The following DCAF11 variants were observed in gnomAD, a reference collection of about 807,000 sequenced individuals.
The protein encoded by DCAF11 is DDB1 and CUL4 associated factor 11.
A neutral mutation model predicts 76.1 loss-of-function variants in DCAF11; 44 were observed. The observed-to-expected ratio is 0.58, with a 90% CI of 0.45 to 0.74. DCAF11 has a LOEUF of 0.74. Ranked by LOEUF, DCAF11 falls within the 30% of genes least tolerant of loss-of-function variation. The pLI is 0.00. For synonymous variants in DCAF11, 258 were observed against 255.0 expected, an observed-to-expected ratio of 1.01 and a Z score of -0.11; for missense variants, 604 against 709.4, an observed-to-expected ratio of 0.85 and a Z score of 1.69.
Position 24,118,506 on chromosome 14 carries a change from C to A in DCAF11, c.696C>A (p.His232Gln). ...LDVAFTPDGN[H>Q]FLYSSWSDYI... ...TGGCCTTCACCCCTGATGGGAACCA[C>A]TTCCTCTACTCTAGCTGGTCTGATT... Residue 232 changes from histidine (H) to glutamine (Q), a missense_variant, in exon 7 of 15, where the codon CAC becomes CAA. Physicochemically the swap from His to Gln is conservative, Grantham distance 24. Coordinates refer to ENST00000446197, the MANE Select transcript of DCAF11 (RefSeq NM_025230.5). The A allele has an allele frequency of 1.9e-6, 3 of 1,614,204 alleles. No homozygotes were observed. The highest frequency in any genetic ancestry group is 2.5e-6 in the Non-Finnish European group (3 of 1,180,046).
Position 24,115,105 on chromosome 14 carries a change from G to T in DCAF11, c.-402G>T. On this transcript the variant is annotated 5_prime_UTR_variant, in exon 1 of 15. Transcript: ENST00000446197. ...CTGCTGCCGGCCTTTGTAAGGGGGC[G>T]CTCTGATTGGTCGATAAGGTGGGGG... 1 of 790,398 alleles carries T rather than the reference G, an allele frequency of 1.3e-6. No homozygotes were observed. Among genetic ancestry groups the T allele is most frequent in the South Asian group, 5.6e-5 (1 of 17,764 alleles). The allele number at this position is 790,398 out of a possible 1,614,324, so 49.0% of individuals were successfully genotyped here. A position where few individuals can be genotyped will look rare whatever the true frequency, so the allele number is the denominator to read the frequency against.
At position 24,117,381 on chromosome 14, in the gene DCAF11, A is replaced by G; in HGVS notation, c.399A>G (p.Arg133=). ...CCGCCCAGAAGCACAGCTTTCCTCGAATGTTGCACCAGGTAGGCCTCTCCA... is the reference window on the plus strand; with the variant it reads ...CCGCCCAGAAGCACAGCTTTCCTCGGATGTTGCACCAGGTAGGCCTCTCCA... The part of the protein sequence containing the change: ...RRAAQKHSFP[R]MLHQRERGLC... Residue 133 remains arginine (R), a synonymous_variant, in exon 4 of 15, where the codon CGA becomes CGG. Coordinates refer to ENST00000446197, the MANE Select transcript of DCAF11 (RefSeq NM_025230.5). The surrounding 1 kb of genome is among the most constrained non-coding windows in gnomAD (Gnocchi z 4.3). 6.2e-7 allele frequency: 1 copy of G among 1,614,214 alleles called. No individual in the cohort carries two copies. The highest frequency in any genetic ancestry group is 8.5e-7 in the Non-Finnish European group (1 of 1,180,040).
chr14:24,123,372 T>G lies in DCAF11; in HGVS notation c.*63T>G. 1.3e-6 allele frequency: 2 copies of G among 1,496,658 alleles called. No homozygotes were observed. Among genetic ancestry groups the G allele is most frequent in the Non-Finnish European group, 1.8e-6 (2 of 1,122,106 alleles). The allele number at this position is 1,496,658 out of a possible 1,614,324, so 92.7% of individuals were successfully genotyped here. On this transcript the variant is annotated 3_prime_UTR_variant, in exon 15 of 15. Transcript: ENST00000446197. ...TAAGCTCTCTGCCTCCTCCTCCCTT[T>G]CTCCCTTGTGGGGAATGTTTGGAGG...
chr14:24,122,969 A>G lies in DCAF11; in HGVS notation c.1400-2A>G. 6 of 1,614,004 alleles carry G rather than the reference A, an allele frequency of 3.7e-6. No homozygotes were observed. Among genetic ancestry groups the G allele is most frequent in the Non-Finnish European group, 5.1e-6 (6 of 1,179,896 alleles). ...CTCTCCACTCTTGCCTGTCCTGGAC[A>G]GTGTACGACCTTCTAAGTGGCCACA... On this transcript the variant is annotated splice_acceptor_variant, in intron 13 of 14. Transcript: ENST00000446197. LOFTEE classifies it high-confidence loss of function.
Position 24,122,960 on chromosome 14 carries a change from G to C in DCAF11, c.1400-11G>C. The C allele has an allele frequency of 6.2e-7, 1 of 1,613,554 alleles. No homozygotes were observed. The highest frequency in any genetic ancestry group is 8.5e-7 in the Non-Finnish European group (1 of 1,179,610). Reference sequence around the variant, plus strand: ...TGGTGGTCCCTCTCCACTCTTGCCTGTCCTGGACAGTGTACGACCTTCTAA... The same window carrying C: ...TGGTGGTCCCTCTCCACTCTTGCCTCTCCTGGACAGTGTACGACCTTCTAA... On this transcript the variant is annotated splice_polypyrimidine_tract_variant and intron_variant, in intron 13 of 14. Coordinates refer to ENST00000446197, the MANE Select transcript of DCAF11 (RefSeq NM_025230.5).
rs1445033783 is a variant in DCAF11 at position 24,117,935 on chromosome 14, C to T, written c.477-120C>T. 2 of 887,920 alleles carry T rather than the reference C, an allele frequency of 2.3e-6. No homozygotes were observed. The highest frequency in any genetic ancestry group is 2.3e-5 in the Admixed American group (1 of 43,424). 55.0% of individuals were successfully genotyped at this position (887,920 alleles called of 1,614,324 possible). On this transcript the variant is annotated intron_variant, in intron 5 of 14. Coordinates refer to ENST00000446197, the MANE Select transcript of DCAF11 (RefSeq NM_025230.5). The surrounding 1 kb of genome is among the most constrained non-coding windows in gnomAD (Gnocchi z 4.3). Reference sequence around the variant, plus strand: ...GTGGAATGGTTGAAAGACGGGATTGCACTCACAGCCAAAAGGGAAGAATGA... The same window carrying T: ...GTGGAATGGTTGAAAGACGGGATTGTACTCACAGCCAAAAGGGAAGAATGA...
chr14:24,119,433 T>C, intron 9 of DCAF11, 126 bp from the exon 10 acceptor site: 1 of 1,307,300 alleles, frequency 7.6e-7, no homozygotes, highest in Non-Finnish European at 1.1e-6. Flanking sequence ...TTCCCCCACT[T>C]CCTGTATAAA....
At chr14:24,120,003 A>G in intron 11 of DCAF11, 107 bp downstream of exon 11, 3 of 1,360,478 alleles carry the variant, frequency 2.2e-6, no homozygotes, top group Non-Finnish European at 2.9e-6. Flanking sequence ...TTATTAACCA[A>G]GGTTTGTAAG....
intron 13 of DCAF11, 36 bp downstream of exon 13, chr14:24,121,553 G>T: frequency 6.2e-7 from 1 of 1,608,048 alleles, no homozygotes; most frequent in Non-Finnish European, 8.5e-7. Flanking sequence ...CCTCAGGAAG[G>T]GCAGGAATGA....
chr14:24,117,457 C>T lies in DCAF11; in HGVS notation c.411+64C>T. 1.2e-6 allele frequency: 2 copies of T among 1,602,296 alleles called. No individual in the cohort carries two copies. The highest frequency in any genetic ancestry group is 1.7e-6 in the Non-Finnish European group (2 of 1,173,694). On this transcript the variant is annotated intron_variant, in intron 4 of 14. Transcript: ENST00000446197. This position sits in a 1 kb window ranked among gnomAD's most constrained non-coding sequence, Gnocchi z 4.3. ...CAAAGCAGCCAGAAGCTCTGCCAGCCCCAGAGAAAAAGGAAGTCAACTTTC... is the reference window on the plus strand; with the variant it reads ...CAAAGCAGCCAGAAGCTCTGCCAGCTCCAGAGAAAAAGGAAGTCAACTTTC...
At position 24,117,487 on chromosome 14, in the gene DCAF11, G is replaced by C; in HGVS notation, c.411+94G>C. 1 of 1,581,888 alleles carries C rather than the reference G, an allele frequency of 6.3e-7. No individual in the cohort carries two copies. Among genetic ancestry groups the C allele is most frequent in the Non-Finnish European group, 8.6e-7 (1 of 1,162,866 alleles). On this transcript the variant is annotated intron_variant, in intron 4 of 14. Coordinates refer to ENST00000446197, the MANE Select transcript of DCAF11 (RefSeq NM_025230.5). The surrounding 1 kb of genome is among the most constrained non-coding windows in gnomAD (Gnocchi z 4.3). Reference sequence around the variant, plus strand: ...AGAAAAAGGAAGTCAACTTTCCAAAGTAGAAGCCTCAAGCGCTGGGGCTGG... The same window carrying C: ...AGAAAAAGGAAGTCAACTTTCCAAACTAGAAGCCTCAAGCGCTGGGGCTGG...
rs78469280 is a variant in DCAF11 at position 24,118,471 on chromosome 14, G to A, written c.661G>A (p.Val221Ile). The change falls in exon 7 of 15, where the codon GTC becomes ATC. Residue 221 changes from valine to isoleucine, a missense_variant. Physicochemically the swap from Val to Ile is conservative, Grantham distance 29. Coordinates refer to ENST00000446197, the MANE Select transcript of DCAF11 (RefSeq NM_025230.5). ...CAAGGCCCGCGACGTAGGCTGGAGC[G>A]TCTTGGATGTGGCCTTCACCCCTGA... ...SIKARDVGWS[V>I]LDVAFTPDGN... The A allele has an allele frequency of 4.0e-3, 6,517 of 1,614,188 alleles. 18 individuals are homozygous for A. The highest frequency in any genetic ancestry group is 5.2e-3 in the African/African-American group (387 of 75,034).
At position 24,123,406 on chromosome 14, in the gene DCAF11, G is replaced by T. The variant is rs951394630; in HGVS notation, c.*97G>T. The T allele has an allele frequency of 6.8e-7, 1 of 1,470,152 alleles. No homozygotes were observed. Among genetic ancestry groups the T allele is most frequent in the African/African-American group, 1.4e-5 (1 of 70,714 alleles). The allele number at this position is 1,470,152 out of a possible 1,614,324, so 91.1% of individuals were successfully genotyped here. On this transcript the variant is annotated 3_prime_UTR_variant, in exon 15 of 15. Coordinates refer to ENST00000446197, the MANE Select transcript of DCAF11 (RefSeq NM_025230.5). ...TGGGGAATGTTTGGAGGAATCACTG[G>T]CATTTGATGGGGAATAACATAAGCC... is the stretch of plus-strand genomic sequence containing the variant.
rs1201837387 is a variant in DCAF11 at position 24,115,447 on chromosome 14, G to A, written c.-148G>A. ...CATAGGCTAAAGAAAAGGGATCTCA[G>A]CCCCGAGGAAGGGTCACCCTCCTAG... On this transcript the variant is annotated 5_prime_UTR_variant, in exon 2 of 15. Coordinates refer to ENST00000446197, the MANE Select transcript of DCAF11 (RefSeq NM_025230.5). 7.7e-6 allele frequency: 9 copies of A among 1,162,734 alleles called. No individual in the cohort carries two copies. Among genetic ancestry groups the A allele is most frequent in the African/African-American group, 1.6e-5 (1 of 64,510 alleles). 72.0% of individuals were successfully genotyped at this position (1,162,734 alleles called of 1,614,324 possible). A position where few individuals can be genotyped will look rare whatever the true frequency, so the allele number is the denominator to read the frequency against.
rs1419232831 is a variant in DCAF11 at position 24,117,698 on chromosome 14, T to C, written c.442T>C (p.Phe148Leu). The C allele has an allele frequency of 2.5e-6, 4 of 1,614,134 alleles. No homozygotes were observed. Among genetic ancestry groups the C allele is most frequent in the Middle Eastern group, 3.3e-4 (2 of 6,062 alleles). Residue 148 changes from phenylalanine (F) to leucine (L), a missense_variant, in exon 5 of 15, where the codon TTC becomes CTC. Transcript: ENST00000446197. This position sits in a 1 kb window ranked among gnomAD's most constrained non-coding sequence, Gnocchi z 4.3. ...ACGGGGCCTCTGCCATCGGGGAAGC[T>C]TCTCCCTTGGAGAACAGTCTCGAGT... is the stretch of plus-strand genomic sequence containing the variant. ...RERGLCHRGSFSLGEQSRVIS... is the reference protein window; with the variant it reads ...RERGLCHRGSLSLGEQSRVIS...
chr14:24,122,937 G>A (rs564869288), intron 13 of DCAF11, 34 bp from the exon 14 acceptor site: 1 of 1,595,106 alleles, frequency 6.3e-7, no homozygotes, highest in African/African-American at 1.3e-5. Context: ...ATGTCTTGTG[G>A]TGGTCCCTCT....
chr14:24,120,143 C>T (rs2037662180), intron 11 of DCAF11, among the ~76,000 whole-genome samples: 1 of 152,142 alleles, frequency 6.6e-6, no homozygotes, highest in Non-Finnish European at 1.5e-5. Context: ...GCGGCTCACA[C>T]CTGTAATCCT....
At chr14:24,121,238 AAG>A in intron 12 of DCAF11, 125 bp from the exon 13 acceptor site, 1 of 1,315,658 alleles carries the variant, frequency 7.6e-7, no homozygotes, top group Non-Finnish European at 1.1e-6. Flanking sequence ...TAGGTGGAGA[AAG>A]AGCCACCACT....
At chr14:24,119,688 A>G (rs1380838950) in intron 10 of DCAF11, 23 bp from the exon 11 acceptor site, 3 of 1,614,074 alleles carry the variant, frequency 1.9e-6, no homozygotes, top group Non-Finnish European at 2.5e-6. Context: ...GAGGTCTTAT[A>G]TCCTGGCCTC....
Sources: allele counts gnomAD v4.1 joint callset (sites outside exome capture counted in the v4.1 genomes callset), GRCh38; gene constraint gnomAD v4.1.1; non-coding constraint Gnocchi (gnomAD v3.1); transcripts MANE v1.5; gene names NCBI Gene and HGNC (gene_info 2026-07-23, HGNC 2026-07-21).